Variants in CFHR5 observed in about 807,000 individuals in gnomAD.
CFHR5 encodes complement factor H-related protein 5.
Under a neutral mutation model 62.9 loss-of-function variants are expected in CFHR5, and 73 were observed. The observed-to-expected ratio is 1.16, with a 90% CI of 0.96 to 1.41. The LOEUF is 1.41. Ranked by LOEUF, CFHR5 falls within the 40% of genes most tolerant of loss-of-function variation. The pLI is 0.00. For synonymous variants in CFHR5, 249 were observed against 227.2 expected, an observed-to-expected ratio of 1.10 and a Z score of -0.86; for missense variants, 779 against 679.9, an observed-to-expected ratio of 1.15 and a Z score of -1.62.
chr1:196,985,381 A>C (rs1653655891), intron 3 of CFHR5, among the ~76,000 whole-genome samples: 1 of 152,010 alleles, frequency 6.6e-6, no homozygotes, highest in Non-Finnish European at 1.5e-5. Context: ...TGAAATTTAA[A>C]CCTCTAGAAA....
chr1:196,994,085 G>C lies in CFHR5; in HGVS notation c.436G>C (p.Glu146Gln), dbSNP rs142998381. The change falls in exon 4 of 10, where the codon GAA becomes CAA. Residue 146 changes from glutamate to glutamine, a missense_variant. Transcript: ENST00000256785. ...TCATTTAATTTTATTTTTAGAAGGAGAATGTCATGTTCCAATTTTAGAAGC... is the reference window on the plus strand; with the variant it reads ...TCATTTAATTTTATTTTTAGAAGGACAATGTCATGTTCCAATTTTAGAAGC... Reference protein sequence around the residue: ...TPPICSFTKGECHVPILEANV... With the variant: ...TPPICSFTKGQCHVPILEANV... 1 of 1,610,836 alleles carries C rather than the reference G, an allele frequency of 6.2e-7. No individual in the cohort carries two copies.
intron 3 of CFHR5, among the ~76,000 whole-genome samples, chr1:196,985,693 C>A (rs796764641): frequency 4.7e-4 from 71 of 152,236 alleles, no homozygotes; most frequent in African/African-American, 1.6e-3. Context: ...AGAAGCTTGA[C>A]AAATTAAGTT....
rs1654180473 is a variant in CFHR5, at chr1:197,002,543, C to T, written c.1209C>T (p.Thr403=). The T allele has an allele frequency of 6.2e-7, 1 of 1,613,592 alleles. No individual in the cohort carries two copies. The highest frequency in any genetic ancestry group is 1.1e-5 in the South Asian group (1 of 91,064). ...TACCTAATGCTCAGAATATGACAAC[C>T]ACAGTGAATTATCAGGATGGAGAAA... is the stretch of plus-strand genomic sequence containing the variant. ...PQIPNAQNMT[T]TVNYQDGEKV... The change falls in exon 8 of 10, where the codon ACC becomes ACT. Residue 403 remains threonine, a synonymous_variant. Transcript: ENST00000256785.
intron 7 of CFHR5, among the ~76,000 whole-genome samples, chr1:196,999,768 CACAT>C (rs1654094348): frequency 7.0e-6 from 1 of 142,600 alleles, no homozygotes; most frequent in South Asian, 2.2e-4. Context: ...TATACACACA[CACAT>C]ATATGTATAT....
At chr1:196,989,169 A>T (rs1402920035) in intron 3 of CFHR5, among the ~76,000 whole-genome samples, 1 of 152,138 alleles carries the variant, frequency 6.6e-6, no homozygotes, top group Non-Finnish European at 1.5e-5. Flanking sequence ...AGGTGTTTAT[A>T]GTATTCTCTG....
chr1:197,008,966 C>G lies in CFHR5; in HGVS notation c.*283C>G, dbSNP rs1328617352. ...TTTATTTGTTTCATAAATCTAAAAG[C>G]TGAGAAGTCCAAGATGGTGGGGCTG... On this transcript the variant is annotated 3_prime_UTR_variant, in exon 10 of 10. Transcript: ENST00000256785. 1 of 317,922 alleles carries G rather than the reference C, an allele frequency of 3.1e-6. No homozygotes were observed. Among genetic ancestry groups the G allele is most frequent in the African/African-American group, 2.1e-5 (1 of 46,756 alleles). 19.7% of individuals were successfully genotyped at this position (317,922 alleles called of 1,614,324 possible).
rs1285049730 is a variant in CFHR5 at position 197,004,803 on chromosome 1, A to G, written c.1473A>G (p.Thr491=). The G allele has an allele frequency of 6.2e-7, 1 of 1,613,698 alleles. No homozygotes were observed. The highest frequency in any genetic ancestry group is 8.5e-7 in the Non-Finnish European group (1 of 1,179,808). Residue 491 remains threonine, a synonymous_variant, in exon 9 of 10, where the codon ACA becomes ACG. Coordinates refer to ENST00000256785, the MANE Select transcript of CFHR5 (RefSeq NM_030787.4). ...AACTCCAGGGCTCTGTAACTGTAACATGCAGAAATAAACAGTGGTCAGAAC... is the reference window on the plus strand; with the variant it reads ...AACTCCAGGGCTCTGTAACTGTAACGTGCAGAAATAAACAGTGGTCAGAAC... ...FYKLQGSVTV[T]CRNKQWSEPP...
chr1:196,996,679 A>G (rs1011337040), intron 6 of CFHR5, among the ~76,000 whole-genome samples: 2 of 152,148 alleles, frequency 1.3e-5, no homozygotes, highest in Non-Finnish European at 2.9e-5. Context: ...CCTAAAAAAT[A>G]GCAATGTAGC....
At chr1:196,995,935 T>G in intron 5 of CFHR5, 36 bp downstream of exon 5, 1 of 1,598,588 alleles carries the variant, frequency 6.3e-7, no homozygotes, top group South Asian at 1.1e-5. Context: ...GGACAGTTAC[T>G]ATTACTTTGC....
At chr1:196,981,104 C>G (rs1439617950) in intron 1 of CFHR5, among the ~76,000 whole-genome samples, 1 of 152,002 alleles carries the variant, frequency 6.6e-6, no homozygotes, top group Non-Finnish European at 1.5e-5. Flanking sequence ...TTAAATATTA[C>G]TTCTAGGTAG....
chr1:196,987,890 G>T (rs1331493084), intron 3 of CFHR5, among the ~76,000 whole-genome samples: 1 of 152,028 alleles, frequency 6.6e-6, no homozygotes, highest in African/African-American at 2.4e-5. Flanking sequence ...AAGTAGTTTT[G>T]TCCTATTCTG....
At chr1:196,993,288 G>A (rs1446788278) in intron 3 of CFHR5, among the ~76,000 whole-genome samples, 2 of 152,018 alleles carry the variant, frequency 1.3e-5, no homozygotes, top group Admixed American at 6.6e-5. Context: ...TCCTGTTTGG[G>A]TGTTTCACAT....
chr1:196,985,247 C>G lies in CFHR5; in HGVS notation c.430+1110C>G, dbSNP rs1253202967. Among the ~76,000 whole-genome samples, 14 of 152,080 alleles carry G rather than the reference C, an allele frequency of 9.2e-5. 1 individual carries two copies. Among genetic ancestry groups the G allele is most frequent in the Admixed American group, 9.2e-4 (14 of 15,266 alleles). On this transcript the variant is annotated intron_variant, in intron 3 of 9. Coordinates refer to ENST00000256785, the MANE Select transcript of CFHR5 (RefSeq NM_030787.4). ...CAGTGATGTGCACCTGTAGTCCCCG[C>G]CACTGGCAAGGCTGAAATAGGAGTT... is the stretch of plus-strand genomic sequence containing the variant.
chr1:197,008,491 A>G lies in CFHR5; in HGVS notation c.1518A>G (p.Pro506=), dbSNP rs1447401150. 3 of 1,583,224 alleles carry G rather than the reference A, an allele frequency of 1.9e-6. No homozygotes were observed. The African/African-American group carries it at 4.0e-5, about 21-fold the overall frequency. The change falls in exon 10 of 10, where the codon CCA becomes CCG. Residue 506 remains proline (P), a synonymous_variant. Coordinates refer to ENST00000256785, the MANE Select transcript of CFHR5 (RefSeq NM_030787.4). ...TTTTACCATTTCTTCTTTCAGATCC[A>G]TGTGTGGTATCTGAAGAAAACATGA... The part of the protein sequence containing the change: ...QWSEPPRCLD[P]CVVSEENMNK...
At chr1:196,992,830 T>C (rs1653882174) in intron 3 of CFHR5, among the ~76,000 whole-genome samples, 1 of 152,200 alleles carries the variant, frequency 6.6e-6, no homozygotes, top group Non-Finnish European at 1.5e-5. Flanking sequence ...TGGGATTTGC[T>C]CAAGTAAACT....
intron 8 of CFHR5, among the ~76,000 whole-genome samples, chr1:197,003,776 C>T (rs1461359781): frequency 6.6e-6 from 1 of 151,938 alleles, no homozygotes; most frequent in African/African-American, 2.4e-5. Flanking sequence ...GAGGCAGTTA[C>T]CGGATAGAAG....
chr1:197,008,746 T>G lies in CFHR5; in HGVS notation c.*63T>G. The G allele has an allele frequency of 2.3e-6, 3 of 1,308,650 alleles. No individual in the cohort carries two copies. The highest frequency in any genetic ancestry group is 2.2e-6 in the Non-Finnish European group (2 of 903,596). 81.1% of individuals were successfully genotyped at this position (1,308,650 alleles called of 1,614,324 possible). ...CCATCTATGCTAAAAGTAGCCATTA[T>G]GTAGCCAATTCTGTAGTTACTTCTT... is the stretch of plus-strand genomic sequence containing the variant. On this transcript the variant is annotated 3_prime_UTR_variant, in exon 10 of 10. Coordinates refer to ENST00000256785, the MANE Select transcript of CFHR5 (RefSeq NM_030787.4).
intron 3 of CFHR5, among the ~76,000 whole-genome samples, chr1:196,991,215 A>G (rs567658761): frequency 6.6e-6 from 1 of 152,104 alleles, no homozygotes; most frequent in African/African-American, 2.4e-5. Flanking sequence ...CAGCTCCATC[A>G]GGTCATTTAA....
Position 196,996,962 on chromosome 1 carries a change from A to G in CFHR5, c.970+761A>G, listed in dbSNP as rs137903031. ...TCAGGACTTCCAGCCTTGACACTTA[A>G]GTACTTGCAGGTATTTTTTTTCCCG... On this transcript the variant is annotated intron_variant, in intron 6 of 9. Transcript: ENST00000256785. 7.4e-4 allele frequency among the ~76,000 whole-genome samples: 113 copies of G among 152,118 alleles called. 1 individual carries two copies. The East Asian group carries it at 0.02, about 27-fold the overall frequency.
Sources: allele counts gnomAD v4.1 joint callset (sites outside exome capture counted in the v4.1 genomes callset), GRCh38; gene constraint gnomAD v4.1.1; transcripts MANE v1.5; gene names NCBI Gene and HGNC (gene_info 2026-07-23, HGNC 2026-07-21).